MBD5: variants seen among roughly 807,000 people sequenced by gnomAD.
MBD5 encodes methyl-CpG-binding domain protein 5.
A neutral mutation model predicts 117.3 loss-of-function variants in MBD5; 13 were observed. That is an observed-to-expected ratio of 0.11 (90% confidence interval 0.07 to 0.18). The LOEUF is 0.18. Ranked by LOEUF, MBD5 falls within the 10% of genes least tolerant of loss-of-function variation. MBD5 has a pLI of 1.00. For missense variants in MBD5, 1,879 were observed against 2,093.8 expected (o/e 0.90, Z 2.00); for synonymous variants, 727 against 766.4 (o/e 0.95, Z 0.85).
chr2:148,497,786 T>TAAA (rs35423029), intron 11 of MBD5, among the ~76,000 whole-genome samples: 1 of 124,438 alleles, frequency 8.0e-6, no homozygotes. Flanking sequence ...ACCTTGTCTC[T>TAAA]AAAAAAAAAA....
At chr2:148,435,439 G>A (rs1706126992) in intron 4 of MBD5, among the ~76,000 whole-genome samples, 1 of 152,152 alleles carries the variant, frequency 6.6e-6, no homozygotes, top group South Asian at 2.1e-4. Context: ...AGGTCTGGTA[G>A]TAATGAATTC....
At chr2:148,366,273 A>C (rs1040807110) in intron 4 of MBD5, among the ~76,000 whole-genome samples, 2 of 104,022 alleles carry the variant, frequency 1.9e-5, no homozygotes, top group South Asian at 7.4e-4. Context: ...ATAAAATCCA[A>C]CACCCCTTCA....
intron 3 of MBD5, among the ~76,000 whole-genome samples, chr2:148,321,788 A>G (rs948778989): frequency 2.0e-5 from 3 of 151,956 alleles, no homozygotes; most frequent in Admixed American, 6.6e-5. Context: ...AAGTCTCACT[A>G]TGTTACCCAG....
intron 1 of MBD5, among the ~76,000 whole-genome samples, chr2:148,041,875 TAAGA>T (rs1694369488): frequency 6.6e-6 from 1 of 152,168 alleles, no homozygotes; most frequent in Non-Finnish European, 1.5e-5. Context: ...CTTAAACAAA[TAAGA>T]AAGTCTTAAC....
At chr2:148,318,670 A>C (rs537237586) in intron 3 of MBD5, among the ~76,000 whole-genome samples, 3 of 152,084 alleles carry the variant, frequency 2.0e-5, no homozygotes, top group Non-Finnish European at 4.4e-5. Flanking sequence ...GCATATGGCT[A>C]TCCAATTTTC....
chr2:148,118,893 A>G (rs1053057883), intron 1 of MBD5, among the ~76,000 whole-genome samples: 2 of 152,192 alleles, frequency 1.3e-5, no homozygotes, highest in Non-Finnish European at 2.9e-5. Context: ...ATAATATTCC[A>G]TTGTATGGAT....
intron 3 of MBD5, among the ~76,000 whole-genome samples, chr2:148,284,223 CTT>C (rs1045459727): frequency 2.6e-5 from 4 of 152,056 alleles, no homozygotes; most frequent in African/African-American, 9.7e-5. Flanking sequence ...TATGCCATTG[CTT>C]ATTTAACCAG....
At chr2:148,116,611 C>T (rs945835903) in intron 1 of MBD5, among the ~76,000 whole-genome samples, 8 of 152,068 alleles carry the variant, frequency 5.3e-5, no homozygotes, top group East Asian at 1.9e-4. Flanking sequence ...ATTATTGATT[C>T]CTCCTTTTCT....
rs750532603 is a variant in MBD5, at chr2:148,490,323, A to G, written c.4691A>G (p.Lys1564Arg). Residue 1564 changes from lysine to arginine, a missense_variant, in exon 11 of 14, where the codon AAA (lysine) becomes AGA (arginine). This residue lies in a region of MBD5 where 1,666 missense variants were observed against 1,792.2 expected (regional missense o/e 0.93). Transcript: ENST00000642680. ...SSNSLENSLV[K>R]DYIHYNGDFN... ...AATAGTTTGGAAAATTCTCTGGTCA[A>G]AGACTACATCCATTACAATGGAGAC... The G allele has an allele frequency of 6.2e-7, 1 of 1,614,200 alleles. No homozygotes were observed. Among genetic ancestry groups the G allele is most frequent in the African/African-American group, 1.3e-5 (1 of 75,048 alleles).
At chr2:148,431,216 A>T (rs890964193) in intron 4 of MBD5, among the ~76,000 whole-genome samples, 5 of 152,066 alleles carry the variant, frequency 3.3e-5, no homozygotes, top group Non-Finnish European at 5.9e-5. Context: ...CTTTCAACTT[A>T]TTTTTCATAG....
chr2:148,393,285 A>T (rs151336926), intron 4 of MBD5: 23 of 152,258 alleles, frequency 1.5e-4, no homozygotes, highest in Non-Finnish European at 2.9e-4. Flanking sequence ...ATGCCCACCC[A>T]ATCTGTTTTC....
chr2:148,484,549 T>C (rs559671145), intron 9 of MBD5, among the ~76,000 whole-genome samples: 16 of 152,290 alleles, frequency 1.1e-4, no homozygotes, highest in African/African-American at 3.1e-4. Context: ...TGGAAACAGA[T>C]TGAGAAAGTG....
At chr2:148,186,404 C>A (rs1000443712) in intron 2 of MBD5, among the ~76,000 whole-genome samples, 1 of 152,008 alleles carries the variant, frequency 6.6e-6, no homozygotes, top group Non-Finnish European at 1.5e-5. Context: ...TGAAAACAGA[C>A]AAATACAATG....
chr2:148,246,805 G>A (rs1700348351), intron 3 of MBD5, among the ~76,000 whole-genome samples: 1 of 148,584 alleles, frequency 6.7e-6, no homozygotes, highest in East Asian at 2.0e-4. Flanking sequence ...CTACTGTTCA[G>A]GTACCTGTTT....
chr2:148,149,099 C>A (rs1428364398), intron 1 of MBD5, among the ~76,000 whole-genome samples: 2 of 150,484 alleles, frequency 1.3e-5, no homozygotes, highest in East Asian at 2.0e-4. Flanking sequence ...CTCCCCCCAC[C>A]CCACAACAGT....
chr2:148,501,590 T>C (rs542201841), intron 11 of MBD5, among the ~76,000 whole-genome samples: 18 of 152,202 alleles, frequency 1.2e-4, no homozygotes, highest in Non-Finnish European at 2.2e-4. Flanking sequence ...TTCCTAATTA[T>C]TGTTTTTATT....
intron 3 of MBD5, among the ~76,000 whole-genome samples, chr2:148,328,476 T>G (rs566141166): frequency 2.2e-4 from 33 of 152,204 alleles, no homozygotes; most frequent in Non-Finnish European, 4.0e-4. Flanking sequence ...CAGACTGCTG[T>G]GCTAGCAATC....
intron 3 of MBD5, among the ~76,000 whole-genome samples, chr2:148,329,127 C>G (rs562562781): frequency 2.0e-5 from 3 of 152,222 alleles, no homozygotes; most frequent in East Asian, 3.9e-4. Flanking sequence ...GACCCTTTAC[C>G]TAAAGGATCC....
chr2:148,502,276 C>T, intron 11 of MBD5, 160 bp from the exon 12 acceptor site: 1 of 695,844 alleles, frequency 1.4e-6, no homozygotes, highest in Non-Finnish European at 2.6e-6. Flanking sequence ...CAGAATCAAC[C>T]TCTAATGATT....
Sources: gnomAD v4.1 joint callset for allele counts (sites outside exome capture counted in the v4.1 genomes callset) on GRCh38, gnomAD v4.1.1 for gene constraint, gnomAD v4.1.1 regional missense constraint, MANE v1.5 for transcripts, NCBI Gene and HGNC (gene_info 2026-07-23, HGNC 2026-07-21) for gene names.